The following STK3 variants were observed in gnomAD, a reference collection of about 807,000 sequenced individuals.
STK3 encodes serine/threonine-protein kinase 3.
In STK3, 41 loss-of-function variants were observed where a neutral mutation model predicts 58.0. The observed-to-expected ratio is 0.71, with a 90% CI of 0.55 to 0.92. The LOEUF is 0.92. STK3 is among the 40% of genes least tolerant of loss of function. STK3 has a pLI of 0.00. For missense variants in STK3, 479 were observed against 602.7 expected (o/e 0.79, Z 2.15); for synonymous variants, 170 against 191.0 (o/e 0.89, Z 0.91).
intron 1 of STK3, among the ~76,000 whole-genome samples, chr8:98,803,402 AG>A (rs1191259102): frequency 6.6e-6 from 1 of 151,822 alleles, no homozygotes; most frequent in African/African-American, 2.4e-5. Flanking sequence ...CCAGCATCCT[AG>A]CTAACATGGT....
chr8:98,619,518 G>C (rs1418965965), intron 6 of STK3, among the ~76,000 whole-genome samples: 2 of 137,538 alleles, frequency 1.5e-5, no homozygotes. Context: ...TACCATCAGA[G>C]TGAACAGGCA....
At chr8:98,787,234 A>G (rs1438156579) in intron 1 of STK3, among the ~76,000 whole-genome samples, 1 of 150,936 alleles carries the variant, frequency 6.6e-6, no homozygotes, top group Non-Finnish European at 1.5e-5. Flanking sequence ...AATAGATAGC[A>G]TAAATAAAAA....
chr8:98,384,659 T>C (rs1377491195), intron 1 of STK3, among the ~76,000 whole-genome samples: 1 of 152,156 alleles, frequency 6.6e-6, no homozygotes, highest in African/African-American at 2.4e-5. Context: ...CTTTCATGGA[T>C]TTGATGATCA....
intron 10 of STK3, among the ~76,000 whole-genome samples, chr8:98,469,918 T>C (rs1161074890): frequency 1.3e-5 from 2 of 152,230 alleles, no homozygotes; most frequent in Admixed American, 1.3e-4. Context: ...TACACTGTTA[T>C]TCAAGGAAGA....
At chr8:98,548,490 A>G (rs1467657784) in intron 8 of STK3, among the ~76,000 whole-genome samples, 1 of 152,138 alleles carries the variant, frequency 6.6e-6, no homozygotes, top group African/African-American at 2.4e-5. Context: ...TATATATGAG[A>G]GCACCTTTAA....
At chr8:98,812,617 C>G (rs866440367) in intron 1 of STK3, among the ~76,000 whole-genome samples, 1 of 152,062 alleles carries the variant, frequency 6.6e-6, no homozygotes, top group African/African-American at 2.4e-5. Flanking sequence ...TTCACAATAG[C>G]GAAGACTTGG....
rs184516546 is a variant in STK3 at position 98,385,265 on chromosome 8, G to C, written n.56+2927C>G. On this transcript the variant is annotated intron_variant and non_coding_transcript_variant, in intron 1 of 2. Coordinates refer to the STK3 transcript ENST00000518704. The stretch of plus-strand genomic sequence containing the variant: ...GAGGGGTTTGAGTGGGGGTCGGGGG[G>C]AGGTCGTGCAATTCAAAGCAAAGGA... 1.4e-4 allele frequency among the ~76,000 whole-genome samples: 22 copies of C among 152,070 alleles called. No individual in the cohort carries two copies. In the East Asian group the frequency reaches 3.3e-3, roughly 23 times the overall value.
chr8:98,659,812 G>C (rs1037737089), intron 6 of STK3, among the ~76,000 whole-genome samples: 3 of 151,370 alleles, frequency 2.0e-5, no homozygotes, highest in Admixed American at 6.6e-5. Flanking sequence ...CAAAACAGGT[G>C]GAAAATATAA....
At chr8:98,904,667 T>A (rs1838817742) in intron 1 of STK3, 2 of 653,586 alleles carry the variant, frequency 3.1e-6, no homozygotes, top group Non-Finnish European at 5.7e-6. Context: ...GTGTAGAGAA[T>A]TCCGTGTAGC....
chr8:98,791,626 T>C (rs528357325), intron 1 of STK3, among the ~76,000 whole-genome samples: 2 of 152,270 alleles, frequency 1.3e-5, no homozygotes, highest in South Asian at 4.1e-4. Context: ...AATAGGCACA[T>C]GGACCAATGG....
chr8:98,530,325 T>C (rs1826078679), intron 9 of STK3, among the ~76,000 whole-genome samples: 1 of 152,168 alleles, frequency 6.6e-6, no homozygotes, highest in African/African-American at 2.4e-5. Context: ...CTCCACTCTC[T>C]GAAAAGTCCC....
At chr8:98,529,819 A>T (rs972634124) in intron 9 of STK3, among the ~76,000 whole-genome samples, 1 of 152,230 alleles carries the variant, frequency 6.6e-6, no homozygotes, top group Non-Finnish European at 1.5e-5. Context: ...TATTTAGAGT[A>T]GTCAACATCA....
chr8:98,738,750 G>A (rs935520173), intron 4 of STK3, among the ~76,000 whole-genome samples: 17 of 152,202 alleles, frequency 1.1e-4, no homozygotes, highest in African/African-American at 3.1e-4. Flanking sequence ...AGGACAGTGG[G>A]TGCAGCGCAC....
At chr8:98,838,661 A>C (rs1835841744) in intron 3 of STK3, among the ~76,000 whole-genome samples, 1 of 152,196 alleles carries the variant, frequency 6.6e-6, no homozygotes, top group African/African-American at 2.4e-5. Context: ...TGGAAAGATG[A>C]AAATTTTTAC....
downstream of STK3, among the ~76,000 whole-genome samples, chr8:98,453,156 T>C (rs185318934): frequency 6.9e-5 from 7 of 101,456 alleles, no homozygotes; most frequent in African/African-American, 2.4e-4. Context: ...GGTGTGATCT[T>C]GGCCCACTGC....
chr8:98,659,719 A>G (rs1821821671), intron 6 of STK3, among the ~76,000 whole-genome samples: 4 of 152,108 alleles, frequency 2.6e-5, no homozygotes, highest in Middle Eastern at 3.4e-3. Context: ...AATCAATTAA[A>G]TATCTAAGAA....
chr8:98,550,507 C>T (rs1257046337), intron 8 of STK3, among the ~76,000 whole-genome samples: 1 of 152,172 alleles, frequency 6.6e-6, no homozygotes, highest in African/African-American at 2.4e-5. Flanking sequence ...GTAATCTTCA[C>T]TTGCTACATA....
At chr8:98,717,733 G>T in intron 4 of STK3, among the ~76,000 whole-genome samples, 1 of 152,266 alleles carries the variant, frequency 6.6e-6, no homozygotes, top group Non-Finnish European at 1.5e-5. Context: ...TTCACCTCAC[G>T]ATGAACGTAC....
chr8:98,816,125 A>AG lies in STK3; in HGVS notation c.26+9389_26+9390insC, dbSNP rs374226231. On this transcript the variant is annotated intron_variant, in intron 1 of 10. Coordinates refer to ENST00000419617, the MANE Select transcript of STK3 (RefSeq NM_006281.4). The stretch of plus-strand genomic sequence containing the variant: ...CTATATTAAGCAATCAGCAAAATCC[A>AG]ACTCTGGGAAACTAGTACAAACAAC... 8.7e-3 allele frequency among the ~76,000 whole-genome samples: 1,323 copies of AG among 152,346 alleles called. 12 individuals are homozygous for AG. Among genetic ancestry groups the AG allele is most frequent in the African/African-American group, 0.03 (1,246 of 41,572 alleles).
Sources: allele counts gnomAD v4.1 joint callset (sites outside exome capture counted in the v4.1 genomes callset), GRCh38; gene constraint gnomAD v4.1.1; transcripts MANE v1.5; gene names NCBI Gene and HGNC (gene_info 2026-07-23, HGNC 2026-07-21).